The following MACROD2 variants were observed in gnomAD, a reference collection of about 807,000 sequenced individuals.
MACROD2 encodes mono-ADP ribosylhydrolase 2.
In MACROD2, 36 loss-of-function variants were observed where a neutral mutation model predicts 70.4. That is an observed-to-expected ratio of 0.51 (90% confidence interval 0.39 to 0.68). MACROD2 has a LOEUF of 0.68. Among genes scored for constraint, MACROD2 ranks in the 30% least tolerant of loss-of-function variants. The pLI is 0.00. For missense variants in MACROD2, 496 were observed against 538.4 expected, an observed-to-expected ratio of 0.92 and a Z score of 0.78; for synonymous variants, 172 against 178.8, an observed-to-expected ratio of 0.96 and a Z score of 0.30.
intron 5 of MACROD2, among the ~76,000 whole-genome samples, chr20:15,073,567 ATCACT>A (rs1280131074): frequency 8.6e-5 from 13 of 151,920 alleles, no homozygotes; most frequent in Admixed American, 7.2e-4. Flanking sequence ...CTTTAGAGAA[ATCACT>A]TCAGGATGGT....
At chr20:15,347,453 T>A (rs2078179036) in intron 6 of MACROD2, among the ~76,000 whole-genome samples, 2 of 152,148 alleles carry the variant, frequency 1.3e-5, no homozygotes, top group Admixed American at 1.3e-4. Flanking sequence ...ACTGGTTATG[T>A]TTTGAGGATC....
intron 5 of MACROD2, among the ~76,000 whole-genome samples, chr20:14,828,203 A>G (rs1424319417): frequency 1.3e-5 from 2 of 152,084 alleles, no homozygotes; most frequent in Non-Finnish European, 2.9e-5. Flanking sequence ...TAGTTCATGC[A>G]TTCTAAGTAT....
chr20:15,467,838 G>A (rs2046914745), intron 7 of MACROD2, among the ~76,000 whole-genome samples: 1 of 152,168 alleles, frequency 6.6e-6, no homozygotes, highest in African/African-American at 2.4e-5. Flanking sequence ...GCAAGGGAGA[G>A]GAGGCCCTCT....
chr20:15,228,529 C>A (rs1269117765), intron 5 of MACROD2, among the ~76,000 whole-genome samples: 3 of 137,980 alleles, frequency 2.2e-5, no homozygotes, highest in African/African-American at 8.2e-5. Context: ...CACTCCGTCA[C>A]TAGGTTGTGA....
chr20:15,946,535 TA>T (rs1445283221), intron 12 of MACROD2, among the ~76,000 whole-genome samples: 2 of 152,228 alleles, frequency 1.3e-5, no homozygotes, highest in Non-Finnish European at 2.9e-5. Context: ...AATTCGTTTA[TA>T]AACCTTAAAT....
intron 6 of MACROD2, among the ~76,000 whole-genome samples, chr20:15,274,262 C>T (rs1402495570): frequency 3.9e-5 from 6 of 152,194 alleles, no homozygotes; most frequent in Non-Finnish European, 7.4e-5. Flanking sequence ...AAGTTCCATT[C>T]ATTTGATGAA....
intron 3 of MACROD2, among the ~76,000 whole-genome samples, chr20:14,276,395 C>T (rs1218242674): frequency 7.0e-6 from 1 of 142,938 alleles, no homozygotes; most frequent in Non-Finnish European, 1.5e-5. Flanking sequence ...CCAAACACCG[C>T]ATGTTCTCAC....
At chr20:14,709,557 A>G (rs1364369784) in intron 5 of MACROD2, among the ~76,000 whole-genome samples, 29 of 152,210 alleles carry the variant, frequency 1.9e-4, no homozygotes, top group Admixed American at 1.9e-3. Context: ...TTCTGAACCC[A>G]TCACAAAGTA....
chr20:15,807,881 AAAACT>A (rs1286300716), intron 8 of MACROD2, among the ~76,000 whole-genome samples: 1 of 152,134 alleles, frequency 6.6e-6, no homozygotes, highest in African/African-American at 2.4e-5. Flanking sequence ...AGAAGAAGTA[AAAACT>A]AAAAGGCAGA....
chr20:15,930,866 C>G (rs1296705530), intron 10 of MACROD2, among the ~76,000 whole-genome samples: 2 of 152,182 alleles, frequency 1.3e-5, no homozygotes, highest in Non-Finnish European at 2.9e-5. Flanking sequence ...GCATTTACAA[C>G]TATTAGAACC....
intron 5 of MACROD2, among the ~76,000 whole-genome samples, chr20:14,931,150 A>G (rs888555112): frequency 6.6e-6 from 1 of 152,144 alleles, no homozygotes; most frequent in Non-Finnish European, 1.5e-5. Context: ...GCAACCAGAA[A>G]ACACATATAG....
At chr20:15,868,603 C>CTTTTTTT (rs5840688) in intron 9 of MACROD2, among the ~76,000 whole-genome samples, 3 of 135,556 alleles carry the variant, frequency 2.2e-5, no homozygotes, top group Non-Finnish European at 4.7e-5. Flanking sequence ...TAATACTTTT[C>CTTTTTTT]TTTTTTTTTT....
intron 5 of MACROD2, among the ~76,000 whole-genome samples, chr20:14,830,267 T>C (rs909146967): frequency 3.3e-5 from 5 of 152,112 alleles, no homozygotes; most frequent in South Asian, 2.1e-4. Flanking sequence ...TGAGTGGTAA[T>C]TGGGCTGTGT....
intron 3 of MACROD2, among the ~76,000 whole-genome samples, chr20:14,173,955 G>A (rs2148726151): frequency 6.6e-6 from 1 of 152,324 alleles, no homozygotes; most frequent in Non-Finnish European, 1.5e-5. Context: ...TCTGCACAGT[G>A]TCCTGTGATA....
chr20:15,121,237 C>A (rs1334735189), intron 5 of MACROD2, among the ~76,000 whole-genome samples: 1 of 152,158 alleles, frequency 6.6e-6, no homozygotes, highest in Non-Finnish European at 1.5e-5. Context: ...CCAGGCTGGG[C>A]TCAGTGGCTC....
intron 3 of MACROD2, among the ~76,000 whole-genome samples, chr20:14,344,661 A>G (rs1220106943): frequency 1.3e-5 from 2 of 152,250 alleles, no homozygotes; most frequent in Non-Finnish European, 2.9e-5. Flanking sequence ...AAGTTTATTT[A>G]AAGTACACAA....
intron 7 of MACROD2, among the ~76,000 whole-genome samples, chr20:15,479,367 G>A (rs1367799219): frequency 2.0e-5 from 3 of 147,194 alleles, no homozygotes; most frequent in Non-Finnish European, 4.5e-5. Flanking sequence ...CCGCCTCCCG[G>A]GTTCACGCCA....
intron 7 of MACROD2, among the ~76,000 whole-genome samples, chr20:15,437,833 C>CT (rs879752171): frequency 1.4e-4 from 21 of 151,300 alleles, no homozygotes; most frequent in Admixed American, 3.3e-4. Flanking sequence ...ACATAATCTC[C>CT]TTTTTTTTTA....
chr20:14,641,905 G>A (rs527542461), intron 4 of MACROD2, among the ~76,000 whole-genome samples: 275 of 152,254 alleles, frequency 1.8e-3, no homozygotes, highest in African/African-American at 6.3e-3. Context: ...AAAATCATCA[G>A]CTGCATTAGC....
Sources: gnomAD v4.1 joint callset for allele counts (sites outside exome capture counted in the v4.1 genomes callset) on GRCh38, gnomAD v4.1.1 for gene constraint, MANE v1.5 for transcripts, NCBI Gene and HGNC (gene_info 2026-07-23, HGNC 2026-07-21) for gene names.